Variants in FYN observed in about 807,000 individuals in gnomAD.
FYN encodes the protein FYN proto-oncogene, Src family tyrosine kinase.
In FYN, 10 loss-of-function variants were observed where a neutral mutation model predicts 70.2. The ratio of observed to expected loss-of-function variants is 0.14; its 90% CI spans 0.09 to 0.24. FYN has a LOEUF of 0.24. Ranked by LOEUF, FYN falls within the 10% of genes least tolerant of loss-of-function variation. FYN has a pLI of 1.00. For missense variants in FYN, 319 were observed against 673.1 expected, an observed-to-expected ratio of 0.47 and a Z score of 5.82; for synonymous variants, 236 against 248.6, an observed-to-expected ratio of 0.95 and a Z score of 0.48.
At chr6:111,833,528 C>G (rs1204675310) in intron 2 of FYN, among the ~76,000 whole-genome samples, 2 of 152,130 alleles carry the variant, frequency 1.3e-5, no homozygotes, top group African/African-American at 4.8e-5. Context: ...CAGAGAGAAA[C>G]GGGTGTTTCC....
chr6:111,848,347 T>C (rs1037850121), intron 1 of FYN, among the ~76,000 whole-genome samples: 3 of 152,236 alleles, frequency 2.0e-5, no homozygotes, highest in East Asian at 1.9e-4. Context: ...TCAAGCATAC[T>C]GTGTAATTCC....
intron 2 of FYN, among the ~76,000 whole-genome samples, chr6:111,833,798 C>T (rs1267367644): frequency 6.6e-6 from 1 of 152,218 alleles, no homozygotes; most frequent in African/African-American, 2.4e-5. Context: ...ATGGTGCACA[C>T]ACTCTAAGAC....
intron 1 of FYN, among the ~76,000 whole-genome samples, chr6:111,851,073 T>C (rs575873407): frequency 6.6e-6 from 1 of 152,324 alleles, no homozygotes; most frequent in South Asian, 2.1e-4. Flanking sequence ...TACAGTGATA[T>C]GTGCACGTTC....
At chr6:111,854,022 G>A (rs570500467) in intron 1 of FYN, among the ~76,000 whole-genome samples, 1 of 152,208 alleles carries the variant, frequency 6.6e-6, no homozygotes, top group Non-Finnish European at 1.5e-5. Context: ...CCTTCCCTTT[G>A]TCTGCAAAAG....
At chr6:111,669,496 CACA>C (rs1798168359) in intron 13 of FYN, among the ~76,000 whole-genome samples, 1 of 147,788 alleles carries the variant, frequency 6.8e-6, no homozygotes, top group African/African-American at 2.5e-5. Flanking sequence ...CTGCCAAATC[CACA>C]AAACAGGTGT....
At chr6:111,818,697 C>T (rs1218054113) in intron 2 of FYN, 1 of 152,352 alleles carries the variant, frequency 6.6e-6, no homozygotes, top group Admixed American at 6.5e-5. Flanking sequence ...AGCTGTCTGC[C>T]TTTGAGCCAC....
At chr6:111,693,689 C>A (rs573036063) in intron 12 of FYN, among the ~76,000 whole-genome samples, 2 of 152,166 alleles carry the variant, frequency 1.3e-5, no homozygotes, top group Admixed American at 1.3e-4. Context: ...TATGCTGTTA[C>A]CATCTGTAGT....
intron 2 of FYN, among the ~76,000 whole-genome samples, chr6:111,784,621 T>C (rs75808032): frequency 0.012 from 1,887 of 152,332 alleles, 23 homozygotes; most frequent in African/African-American, 0.028. Flanking sequence ...CACACTGATA[T>C]GTCATTTCCT....
chr6:111,787,458 G>C lies in FYN; in HGVS notation c.-81-6823C>G, dbSNP rs113231050. Reference sequence around the variant, plus strand: ...TTTGGTACCAGTACCATGCTGTTTTGGTTACTTAGCCTTGTAGTATAGTTT... The same window carrying C: ...TTTGGTACCAGTACCATGCTGTTTTCGTTACTTAGCCTTGTAGTATAGTTT... On this transcript the variant is annotated intron_variant, in intron 2 of 13. Coordinates refer to ENST00000354650, the MANE Select transcript of FYN (RefSeq NM_002037.5). Among the ~76,000 whole-genome samples the C allele has an allele frequency of 5.4e-4, 82 of 152,228 alleles. 1 individual carries two copies. Among genetic ancestry groups the C allele is most frequent in the African/African-American group, 1.9e-3 (77 of 41,532 alleles).
chr6:111,708,271 A>T, intron 5 of FYN: 1 of 393,872 alleles, frequency 2.5e-6, no homozygotes, highest in Non-Finnish European at 4.7e-6. Flanking sequence ...AATCCTGGCC[A>T]TGAGAAGTCT....
intron 9 of FYN, among the ~76,000 whole-genome samples, chr6:111,697,716 C>T (rs1229454010): frequency 6.6e-6 from 1 of 152,300 alleles, no homozygotes; most frequent in African/African-American, 2.4e-5. Context: ...ATACAAACTT[C>T]GTCAATTACA....
intron 3 of FYN, among the ~76,000 whole-genome samples, chr6:111,774,433 G>C (rs1191484971): frequency 6.6e-6 from 1 of 152,170 alleles, no homozygotes; most frequent in Non-Finnish European, 1.5e-5. Context: ...TGAACACTGT[G>C]TTAGGGACAG....
At chr6:111,868,137 A>G (rs769925549) in intron 1 of FYN, among the ~76,000 whole-genome samples, 3 of 151,676 alleles carry the variant, frequency 2.0e-5, no homozygotes, top group Non-Finnish European at 2.9e-5. Context: ...CCTCTTTTCC[A>G]GGTTCATGCT....
intron 2 of FYN, among the ~76,000 whole-genome samples, chr6:111,825,006 G>T (rs573649262): frequency 6.6e-6 from 1 of 152,320 alleles, no homozygotes; most frequent in South Asian, 2.1e-4. Flanking sequence ...CATTGCCTCA[G>T]ATGGTCAGGC....
intron 2 of FYN, among the ~76,000 whole-genome samples, chr6:111,800,899 G>T (rs2128519649): frequency 6.6e-6 from 1 of 152,328 alleles, no homozygotes; most frequent in East Asian, 1.9e-4. Context: ...AATGGCAAAT[G>T]ACTAACTTCC....
At chr6:111,769,144 G>A (rs1018755310) in intron 3 of FYN, among the ~76,000 whole-genome samples, 66 of 152,294 alleles carry the variant, frequency 4.3e-4, no homozygotes, top group Admixed American at 4.2e-3. Context: ...CAGCACTGAA[G>A]GGAATGTAAG....
chr6:111,674,267 C>T (rs1798438078), intron 13 of FYN, among the ~76,000 whole-genome samples: 1 of 152,142 alleles, frequency 6.6e-6, no homozygotes, highest in Non-Finnish European at 1.5e-5. Context: ...GCATTTAGAC[C>T]AGCTGCTACT....
intron 2 of FYN, among the ~76,000 whole-genome samples, chr6:111,808,923 T>C (rs1383481931): frequency 1.3e-5 from 2 of 152,246 alleles, no homozygotes; most frequent in African/African-American, 4.8e-5. Context: ...ATGCAAGAAA[T>C]GATATCTTAC....
intron 2 of FYN, among the ~76,000 whole-genome samples, chr6:111,820,492 T>C (rs924108829): frequency 1.4e-5 from 2 of 139,812 alleles, no homozygotes; most frequent in African/African-American, 5.1e-5. Flanking sequence ...ACCTGAGAAA[T>C]AGATTAACTG....
Sources: gnomAD v4.1 joint callset for allele counts (sites outside exome capture counted in the v4.1 genomes callset) on GRCh38, gnomAD v4.1.1 for gene constraint, MANE v1.5 for transcripts, NCBI Gene and HGNC (gene_info 2026-07-23, HGNC 2026-07-21) for gene names.